Variants in SAMMSON observed in about 807,000 individuals in gnomAD.
SAMMSON encodes long intergenic non-protein coding RNA 1212.
chr3:70,344,471 A>G (rs552841564), intron 7 of SAMMSON, among the ~76,000 whole-genome samples: 54 of 152,162 alleles, frequency 3.5e-4, no homozygotes, highest in Non-Finnish European at 4.4e-4. Flanking sequence ...CCACCACTCA[A>G]TGAAACCCCT....
At chr3:70,274,523 A>T (rs913979401) in intron 6 of SAMMSON, among the ~76,000 whole-genome samples, 21 of 152,188 alleles carry the variant, frequency 1.4e-4, no homozygotes, top group African/African-American at 5.1e-4. Flanking sequence ...GAAACTTCCA[A>T]ATTGAACAGA....
intron 3 of SAMMSON, among the ~76,000 whole-genome samples, chr3:70,022,118 T>C (rs1212091060): frequency 6.6e-6 from 1 of 152,060 alleles, no homozygotes; most frequent in Admixed American, 6.6e-5. Flanking sequence ...AAGATTTTGT[T>C]CCTCCAATAA....
intron 4 of SAMMSON, among the ~76,000 whole-genome samples, chr3:70,089,874 G>T (rs2067299298): frequency 6.6e-6 from 1 of 152,118 alleles, no homozygotes; most frequent in Admixed American, 6.6e-5. Context: ...TCCCAGCCCT[G>T]CATCTCTCCC....
intron 3 of SAMMSON, chr3:70,014,522 A>T (rs936608149): frequency 2.6e-5 from 4 of 152,198 alleles, no homozygotes; most frequent in South Asian, 2.1e-4. Context: ...CCTTTAGCCA[A>T]GTTCACACAT....
intron 2 of SAMMSON, among the ~76,000 whole-genome samples, chr3:70,422,846 G>A (rs1275994250): frequency 6.6e-6 from 1 of 151,840 alleles, no homozygotes; most frequent in African/African-American, 2.4e-5. Flanking sequence ...AAAATAATAT[G>A]CACCTGGAGT....
intron 2 of SAMMSON, among the ~76,000 whole-genome samples, chr3:70,412,289 A>C (rs959559569): frequency 1.3e-5 from 2 of 152,196 alleles, no homozygotes; most frequent in African/African-American, 4.8e-5. Context: ...GTATAAGCAC[A>C]TGAGGCCAAC....
intron 9 of SAMMSON, among the ~76,000 whole-genome samples, chr3:70,387,454 T>G (rs1703131308): frequency 1.3e-5 from 2 of 152,122 alleles, no homozygotes; most frequent in Admixed American, 6.6e-5. Context: ...ATTTTTGAAA[T>G]TTAGGCTTAG....
chr3:70,338,037 T>C (rs1482292809), intron 7 of SAMMSON, among the ~76,000 whole-genome samples: 2 of 151,676 alleles, frequency 1.3e-5, no homozygotes, highest in African/African-American at 4.8e-5. Context: ...TTATTATTTA[T>C]TGACCAAAAT....
chr3:70,411,760 C>T (rs909447489), intron 2 of SAMMSON, among the ~76,000 whole-genome samples: 1 of 152,198 alleles, frequency 6.6e-6, no homozygotes, highest in African/African-American at 2.4e-5. Flanking sequence ...AGTGCCTTTG[C>T]ACCTCCTTTG....
intron 4 of SAMMSON, among the ~76,000 whole-genome samples, chr3:70,194,169 C>T (rs1048066436): frequency 2.6e-5 from 4 of 152,008 alleles, no homozygotes; most frequent in Non-Finnish European, 5.9e-5. Context: ...CGTTATAATG[C>T]TGTAGGAAAA....
chr3:70,277,834 T>G (rs1176722372), intron 6 of SAMMSON, among the ~76,000 whole-genome samples: 1 of 152,078 alleles, frequency 6.6e-6, no homozygotes, highest in African/African-American at 2.4e-5. Flanking sequence ...ATGTGCCAGG[T>G]ACAGGAGACG....
intron 7 of SAMMSON, among the ~76,000 whole-genome samples, chr3:70,345,107 A>G (rs567550825): frequency 1.3e-5 from 2 of 152,354 alleles, no homozygotes; most frequent in South Asian, 4.1e-4. Context: ...ATATGAGTTT[A>G]TACCGATGTC....
intron 4 of SAMMSON, among the ~76,000 whole-genome samples, chr3:70,229,909 A>T (rs1338770519): frequency 2.6e-5 from 4 of 152,222 alleles, no homozygotes. Flanking sequence ...ATGTGAATTA[A>T]TCAAGAATAT....
At chr3:70,186,930 T>A (rs773544408) in intron 4 of SAMMSON, among the ~76,000 whole-genome samples, 24 of 152,194 alleles carry the variant, frequency 1.6e-4, no homozygotes, top group Non-Finnish European at 2.8e-4. Context: ...ATAACCTAGT[T>A]TGAGTACTAA....
intron 7 of SAMMSON, among the ~76,000 whole-genome samples, chr3:70,337,181 T>C (rs1702671564): frequency 7.4e-6 from 1 of 134,416 alleles, no homozygotes; most frequent in Admixed American, 7.4e-5. Context: ...ATAATATTAA[T>C]AATATGTAAC....
intron 3 of SAMMSON, among the ~76,000 whole-genome samples, chr3:70,066,610 A>C (rs1348663645): frequency 6.6e-6 from 1 of 152,112 alleles, no homozygotes; most frequent in African/African-American, 2.4e-5. Context: ...TTTATATCAG[A>C]TTTATACAAC....
At chr3:70,145,203 C>T (rs1431744211) in intron 4 of SAMMSON, among the ~76,000 whole-genome samples, 2 of 152,188 alleles carry the variant, frequency 1.3e-5, no homozygotes, top group East Asian at 3.9e-4. Context: ...TTTCAAAATT[C>T]CTGAAGCAAA....
At chr3:70,321,778 G>C (rs1030662649) in intron 7 of SAMMSON, among the ~76,000 whole-genome samples, 1 of 151,498 alleles carries the variant, frequency 6.6e-6, no homozygotes, top group African/African-American at 2.4e-5. Flanking sequence ...TAAGGCCTTC[G>C]CTTAACTAAA....
chr3:70,031,214 A>G (rs1441316042), intron 3 of SAMMSON, among the ~76,000 whole-genome samples: 3 of 152,220 alleles, frequency 2.0e-5, no homozygotes, highest in East Asian at 3.8e-4. Flanking sequence ...TTCCATAAAA[A>G]GGAATGAAAT....
Sources: allele counts gnomAD v4.1 joint callset (sites outside exome capture counted in the v4.1 genomes callset), GRCh38; gene constraint gnomAD v4.1.1; transcripts MANE v1.5; gene names NCBI Gene and HGNC (gene_info 2026-07-23, HGNC 2026-07-21).